The following PRDM9 variants were observed in gnomAD, a reference collection of about 807,000 sequenced individuals.
PRDM9 encodes the protein histone-lysine N-methyltransferase PRDM9.
A neutral mutation model predicts 55.6 loss-of-function variants in PRDM9; 47 were observed. The observed-to-expected ratio is 0.85, with a 90% CI of 0.67 to 1.08. The LOEUF is 1.08. Among genes scored for constraint, PRDM9 ranks in the 50% least tolerant of loss-of-function variants. The pLI is 0.00. For synonymous variants in PRDM9, 312 were observed against 375.7 expected (o/e 0.83, Z 1.96); for missense variants, 867 against 1,040.3 (o/e 0.83, Z 2.29).
At chr5:23,511,727 G>A (rs2126409991) in intron 4 of PRDM9, among the ~76,000 whole-genome samples, 1 of 152,308 alleles carries the variant, frequency 6.6e-6, no homozygotes, top group Admixed American at 6.5e-5. Flanking sequence ...AAATCTAAAT[G>A]TGAATAAGAG....
Position 23,526,909 on chromosome 5 carries a change from C to A in PRDM9, c.1821C>A (p.Pro607=). 6.3e-7 allele frequency: 1 copy of A among 1,598,876 alleles called. No homozygotes were observed. The highest frequency in any genetic ancestry group is 1.1e-5 in the South Asian group (1 of 90,118). Residue 607 remains proline (P), a synonymous_variant, in exon 11 of 11, where the codon CCC becomes CCA. Transcript: ENST00000296682. The part of the protein sequence containing the change: ...THQRTHTGEK[P]YVCRECGRGF... ...AGAGGACACACACAGGGGAGAAGCC[C>A]TATGTCTGCAGGGAGTGTGGGCGGG...
intron 1 of PRDM9, 128 bp from the exon 2 acceptor site, chr5:23,508,822 G>A (rs1203901007): frequency 3.4e-6 from 2 of 594,870 alleles, no homozygotes; most frequent in Non-Finnish European, 5.9e-6. Flanking sequence ...TCTCCCTGGG[G>A]TGCTCGAGAC....
rs749429353 is a variant in PRDM9 at position 23,509,060 on chromosome 5, G to T, written c.27G>T (p.Glu9Asp). Residue 9 changes from glutamate to aspartate, a missense_variant, in exon 2 of 11, where the codon GAG becomes GAT. By Grantham distance (45) the Glu-to-Asp change is conservative (BLOSUM62 2). Coordinates refer to ENST00000296682, the MANE Select transcript of PRDM9 (RefSeq NM_020227.4). MSPEKSQE[E>D]SPEEDTERTE... ...TGAGCCCTGAAAAGTCCCAAGAGGA[G>T]AGCCCAGAAGAAGACACAGAGAGAA... 3.1e-6 allele frequency: 5 copies of T among 1,614,148 alleles called. No homozygotes were observed. In the Admixed American group the frequency reaches 8.3e-5, roughly 27 times the overall value.
At chr5:23,516,519 C>T (rs1421386158) in intron 4 of PRDM9, among the ~76,000 whole-genome samples, 1 of 151,146 alleles carries the variant, frequency 6.6e-6, no homozygotes, top group Non-Finnish European at 1.5e-5. Context: ...ACTACAGGCG[C>T]CCGCCACCAT....
chr5:23,515,048 A>G (rs1739179646), intron 4 of PRDM9, among the ~76,000 whole-genome samples: 1 of 149,932 alleles, frequency 6.7e-6, no homozygotes, highest in South Asian at 2.1e-4. Flanking sequence ...ACTGCAACCT[A>G]CACCTCCCGG....
intron 6 of PRDM9, among the ~76,000 whole-genome samples, chr5:23,521,490 A>C (rs1409637626): frequency 6.6e-6 from 1 of 152,130 alleles, no homozygotes; most frequent in Non-Finnish European, 1.5e-5. Context: ...GGCGTGCGCC[A>C]CTGTGCCCGG....
intron 1 of PRDM9, among the ~76,000 whole-genome samples, chr5:23,508,629 C>T (rs1343744338): frequency 6.6e-6 from 1 of 152,158 alleles, no homozygotes; most frequent in Non-Finnish European, 1.5e-5. Flanking sequence ...CTCCTTGGGA[C>T]TCCTCTGGCT....
intron 7 of PRDM9, 100 bp from the exon 8 acceptor site, chr5:23,522,514 G>T: frequency 1.3e-6 from 2 of 1,590,466 alleles, no homozygotes; most frequent in Non-Finnish European, 8.6e-7. Flanking sequence ...TAGAGTACAG[G>T]ATTAGGGCTA....
In PRDM9 at chr5:23,528,023, T is replaced by G. The variant is rs985806096; in HGVS notation, c.*250T>G. On this transcript the variant is annotated 3_prime_UTR_variant, in exon 11 of 11. Transcript: ENST00000296682. ...CAGCATGTGTGGTTCTTTCCCGCAC[T>G]GATCCCCTCCATTTTTTGTTTGTTT... 4.9e-6 allele frequency: 3 copies of G among 607,614 alleles called. No individual in the cohort carries two copies. The highest frequency in any genetic ancestry group is 8.6e-6 in the Non-Finnish European group (3 of 350,324). The allele number at this position is 607,614 out of a possible 1,614,324, so 37.6% of individuals were successfully genotyped here.
In PRDM9 at chr5:23,507,700, G is replaced by C. The variant is rs1739011541; in HGVS notation, c.-97G>C. Reference sequence around the variant, plus strand: ...GAGCATGGGGAGCCTTTGTCGTGCAGCGTGAAACCCTTGTAAACCCTCATC... The same window carrying C: ...GAGCATGGGGAGCCTTTGTCGTGCACCGTGAAACCCTTGTAAACCCTCATC... On this transcript the variant is annotated 5_prime_UTR_variant, in exon 1 of 11. Coordinates refer to ENST00000296682, the MANE Select transcript of PRDM9 (RefSeq NM_020227.4). 2 of 152,234 alleles carry C rather than the reference G, an allele frequency of 1.3e-5. No individual in the cohort carries two copies. Among genetic ancestry groups the C allele is most frequent in the African/African-American group, 2.4e-5 (1 of 41,430 alleles). The allele number at this position is 152,234 out of a possible 1,614,324, so 9.4% of individuals were successfully genotyped here.
rs1739058221 is a variant in PRDM9, at chr5:23,509,985, G to T, written c.259G>T (p.Asp87Tyr). Residue 87 changes from aspartate to tyrosine, a missense_variant, in exon 4 of 11, where the codon GAC becomes TAC. By Grantham distance (160) the Asp-to-Tyr change is radical. Around this residue, in one of 5 missense-constraint regions of PRDM9, gnomAD observed 662 missense variants for 711.9 expected, o/e 0.93. Coordinates refer to ENST00000296682, the MANE Select transcript of PRDM9 (RefSeq NM_020227.4). The stretch of plus-strand genomic sequence containing the variant: ...GCAGGCCATCAAACTCCAGGTGGAT[G>T]ACACAGAAGATTCTGATGAAGAATG... ...RRQAIKLQVD[D>Y]TEDSDEEWTP... is the part of the protein sequence containing the mutation. 2.5e-6 allele frequency: 4 copies of T among 1,612,780 alleles called. No individual in the cohort carries two copies. Among genetic ancestry groups the T allele is most frequent in the Non-Finnish European group, 3.4e-6 (4 of 1,179,446 alleles).
chr5:23,515,182 C>T (rs1739183401), intron 4 of PRDM9, among the ~76,000 whole-genome samples: 1 of 151,866 alleles, frequency 6.6e-6, no homozygotes, highest in Admixed American at 6.6e-5. Flanking sequence ...CCAGGCTGGT[C>T]ATGAACTCCT....
rs767394233 is a variant in PRDM9 at position 23,509,935 on chromosome 5, G to A, written c.209G>A (p.Arg70Gln). The part of the protein sequence containing the change: ...ALITIGLRAT[R>Q]PAFMCHRRQA... ...TTCTTTTCAGGTCTCAGAGCCACTC[G>A]ACCAGCTTTCATGTGTCACCGAAGG... The change falls in exon 4 of 11, where the codon CGA (arginine) becomes CAA (glutamine). Residue 70 changes from arginine (R) to glutamine (Q), a missense_variant. This residue lies in a region of PRDM9 where 662 missense variants were observed against 711.9 expected (regional missense o/e 0.93). Coordinates refer to ENST00000296682, the MANE Select transcript of PRDM9 (RefSeq NM_020227.4). 13 of 1,613,686 alleles carry A rather than the reference G, an allele frequency of 8.1e-6. No homozygotes were observed. Among genetic ancestry groups the A allele is most frequent in the African/African-American group, 5.3e-5 (4 of 74,806 alleles).
intron 4 of PRDM9, among the ~76,000 whole-genome samples, chr5:23,510,974 C>T (rs1430745432): frequency 6.6e-6 from 1 of 150,890 alleles, no homozygotes; most frequent in East Asian, 2.0e-4. Flanking sequence ...GGTGAAACTC[C>T]GTCTCCACTA....
intron 5 of PRDM9, 26 bp downstream of exon 5, chr5:23,517,956 C>A: frequency 6.4e-7 from 1 of 1,552,634 alleles, no homozygotes; most frequent in Non-Finnish European, 8.9e-7. Context: ...ATCCTATTGA[C>A]AAGAAACCTT....
intron 4 of PRDM9, 75 bp from the exon 5 acceptor site, chr5:23,517,806 A>T: frequency 7.2e-7 from 1 of 1,381,102 alleles, no homozygotes; most frequent in Admixed American, 1.7e-5. Flanking sequence ...AAATAAAAAT[A>T]AAAAATAGAA....
At chr5:23,522,535 A>G (rs561539106) in intron 7 of PRDM9, 79 bp from the exon 8 acceptor site, 1 of 1,603,702 alleles carries the variant, frequency 6.2e-7, no homozygotes, top group African/African-American at 1.3e-5. Flanking sequence ...AATAATGTGA[A>G]TGCCAAGCTC....
chr5:23,526,847 C>T lies in PRDM9; in HGVS notation c.1759C>T (p.Arg587Trp), dbSNP rs1425057806. The change falls in exon 11 of 11, where the codon CGG becomes TGG. Residue 587 changes from arginine to tryptophan, a missense_variant. Around this residue, in one of 5 missense-constraint regions of PRDM9, gnomAD observed 662 missense variants for 711.9 expected, o/e 0.93. Transcript: ENST00000296682. ...EKPYVCRECG[R>W]GFSWQSVLLT... ...GCCCTATGTCTGCAGGGAGTGTGGG[C>T]GGGGCTTTAGCTGGCAGTCAGTCCT... 10 of 1,604,748 alleles carry T rather than the reference C, an allele frequency of 6.2e-6. No individual in the cohort carries two copies. Among genetic ancestry groups the T allele is most frequent in the South Asian group, 4.4e-5 (4 of 90,176 alleles).
intron 8 of PRDM9, 107 bp from the exon 9 acceptor site, chr5:23,523,184 G>T: frequency 7.5e-7 from 1 of 1,330,254 alleles, no homozygotes; most frequent in Non-Finnish European, 1.1e-6. Context: ...GTCTCAATTG[G>T]CAGCTGAAGC....
Sources: allele counts gnomAD v4.1 joint callset (sites outside exome capture counted in the v4.1 genomes callset), GRCh38; gene constraint gnomAD v4.1.1; regional missense constraint gnomAD v4.1.1; transcripts MANE v1.5; gene names NCBI Gene and HGNC (gene_info 2026-07-23, HGNC 2026-07-21).